SUGCT: variants seen among roughly 807,000 people sequenced by gnomAD.
SUGCT encodes succinyl-CoA:glutarate-CoA transferase.
In SUGCT, 41 loss-of-function variants were observed where a neutral mutation model predicts 55.0. The ratio of observed to expected loss-of-function variants is 0.74; its 90% CI spans 0.58 to 0.97. SUGCT has a LOEUF of 0.97. Ranked by LOEUF, SUGCT falls within the 50% of genes least tolerant of loss-of-function variation. The pLI, the probability that SUGCT is intolerant of heterozygous loss-of-function variation, is 0.00. For missense variants in SUGCT, 568 were observed against 547.8 expected, an observed-to-expected ratio of 1.04 and a Z score of -0.37; for synonymous variants, 187 against 200.4, an observed-to-expected ratio of 0.93 and a Z score of 0.56.
At chr7:40,928,835 G>A in the SUGCT span, among the ~76,000 whole-genome samples, 1 of 152,038 alleles carries the variant, frequency 6.6e-6, no homozygotes, top group East Asian at 1.9e-4. Context: ...TCTTGACCTT[G>A]TGCTCCGCCC....
chr7:40,275,661 A>G (rs766799179), intron 8 of SUGCT, among the ~76,000 whole-genome samples: 9 of 152,160 alleles, frequency 5.9e-5, no homozygotes, highest in Non-Finnish European at 1.3e-4. Flanking sequence ...AAAATGCTAA[A>G]TTTTAGAGGT....
intron 12 of SUGCT, among the ~76,000 whole-genome samples, chr7:40,619,895 A>G (rs1799185471): frequency 6.6e-6 from 1 of 152,230 alleles, no homozygotes; most frequent in Admixed American, 6.5e-5. Context: ...GTTATCTACA[A>G]AGAGTTTTCA....
intron 12 of SUGCT, among the ~76,000 whole-genome samples, chr7:40,598,037 T>G (rs917463427): frequency 5.9e-5 from 9 of 152,182 alleles, no homozygotes; most frequent in African/African-American, 2.2e-4. Context: ...CTGCCTTTTC[T>G]CCATCTCTGT....
chr7:40,843,242 T>C (rs1188180800), intron 13 of SUGCT, among the ~76,000 whole-genome samples: 8 of 152,126 alleles, frequency 5.3e-5, no homozygotes, highest in Non-Finnish European at 8.8e-5. Flanking sequence ...CTGGGCGTGG[T>C]GGCTCACGCC....
the SUGCT span, among the ~76,000 whole-genome samples, chr7:40,994,438 G>C: frequency 6.6e-6 from 1 of 152,068 alleles, no homozygotes; most frequent in Non-Finnish European, 1.5e-5. Context: ...TCCTAATATT[G>C]CTGTTTTCTA....
chr7:40,363,735 A>G (rs979883169), intron 9 of SUGCT, among the ~76,000 whole-genome samples: 4 of 152,052 alleles, frequency 2.6e-5, no homozygotes, highest in Non-Finnish European at 4.4e-5. Flanking sequence ...ACTTCCAACT[A>G]TGTGGTCAAT....
the SUGCT span, among the ~76,000 whole-genome samples, chr7:41,011,694 A>T: frequency 6.6e-6 from 1 of 152,270 alleles, no homozygotes; most frequent in African/African-American, 2.4e-5. Flanking sequence ...ATAATCCCAC[A>T]GGACAGAAAA....
At chr7:40,294,289 T>C (rs1793981655) in intron 8 of SUGCT, among the ~76,000 whole-genome samples, 1 of 152,056 alleles carries the variant, frequency 6.6e-6, no homozygotes, top group Non-Finnish European at 1.5e-5. Context: ...GTGGATACAA[T>C]GAACACAACT....
chr7:40,437,171 C>T lies in SUGCT; in HGVS notation c.817-12116C>T, dbSNP rs117824794. Among the ~76,000 whole-genome samples the T allele has an allele frequency of 4.0e-4, 61 of 152,164 alleles. 2 individuals are homozygous for T. In the East Asian group the frequency reaches 0.01, roughly 26 times the overall value. ...AGAAAAATAATATCCATTGACAACA[C>T]GTAAAGAATAGAAAATATATGAGGC... On this transcript the variant is annotated intron_variant, in intron 9 of 13. Coordinates refer to ENST00000335693, the MANE Select transcript of SUGCT (RefSeq NM_001193313.2).
At chr7:40,420,386 T>A (rs891526326) in intron 9 of SUGCT, among the ~76,000 whole-genome samples, 1 of 152,182 alleles carries the variant, frequency 6.6e-6, no homozygotes, top group Non-Finnish European at 1.5e-5. Flanking sequence ...TTTCCCAGGC[T>A]AGAGCACATT....
intron 12 of SUGCT, among the ~76,000 whole-genome samples, chr7:40,721,168 T>A (rs1786311863): frequency 6.6e-6 from 1 of 152,158 alleles, no homozygotes; most frequent in African/African-American, 2.4e-5. Flanking sequence ...ACCCAAACAG[T>A]CCACTATCTG....
At chr7:40,194,423 G>T (rs1245849885) in intron 5 of SUGCT, among the ~76,000 whole-genome samples, 1 of 151,872 alleles carries the variant, frequency 6.6e-6, no homozygotes, top group Admixed American at 6.6e-5. Context: ...ACCGTGTCTG[G>T]CTAATTTTTG....
chr7:40,181,089 T>A (rs1215735103), intron 2 of SUGCT, 91 bp downstream of exon 2: 1 of 883,768 alleles, frequency 1.1e-6, no homozygotes, highest in African/African-American at 1.7e-5. Context: ...GAGACTTATA[T>A]GCTTATGTTG....
At chr7:40,879,246 A>ATT in the SUGCT span, among the ~76,000 whole-genome samples, 1 of 152,216 alleles carries the variant, frequency 6.6e-6, no homozygotes, top group African/African-American at 2.4e-5. Flanking sequence ...TTTACTAGGC[A>ATT]AAATTTTAAA....
At chr7:40,590,708 C>G (rs999819256) in intron 12 of SUGCT, among the ~76,000 whole-genome samples, 1 of 152,104 alleles carries the variant, frequency 6.6e-6, no homozygotes, top group Admixed American at 6.6e-5. Context: ...ACTCCTTTGT[C>G]GGGGCTAATG....
At chr7:40,756,794 T>A (rs1396244240) in intron 13 of SUGCT, among the ~76,000 whole-genome samples, 1 of 152,170 alleles carries the variant, frequency 6.6e-6, no homozygotes, top group Non-Finnish European at 1.5e-5. Context: ...GCCTTTCAGA[T>A]GACAACAGGA....
chr7:40,581,778 G>C (rs1223693005), intron 12 of SUGCT, among the ~76,000 whole-genome samples: 1 of 152,146 alleles, frequency 6.6e-6, no homozygotes, highest in Non-Finnish European at 1.5e-5. Context: ...TGGAGGCTCT[G>C]CTCATTTTGC....
chr7:40,866,772 T>A, the SUGCT span, among the ~76,000 whole-genome samples: 4 of 152,088 alleles, frequency 2.6e-5, no homozygotes, highest in Non-Finnish European at 5.9e-5. Flanking sequence ...TGAAAGGATG[T>A]AAGCCCAGCA....
intron 12 of SUGCT, among the ~76,000 whole-genome samples, chr7:40,680,841 C>T (rs1250300939): frequency 6.6e-6 from 1 of 152,100 alleles, no homozygotes; most frequent in East Asian, 1.9e-4. Flanking sequence ...AGTAGTAGTA[C>T]AGTAGGTGAG....
Sources: allele counts gnomAD v4.1 joint callset (sites outside exome capture counted in the v4.1 genomes callset), GRCh38; gene constraint gnomAD v4.1.1; transcripts MANE v1.5; gene names NCBI Gene and HGNC (gene_info 2026-07-23, HGNC 2026-07-21).